PEX11G: variants seen among roughly 807,000 people sequenced by gnomAD.
PEX11G encodes peroxisomal membrane protein 11C.
Under a neutral mutation model 22.5 loss-of-function variants are expected in PEX11G, and 20 were observed. That is an observed-to-expected ratio of 0.89 (90% CI 0.62 to 1.29). The LOEUF (loss-of-function observed/expected upper bound fraction) is 1.29, where lower values mean the gene tolerates loss of function less well. PEX11G is among the 50% of genes most tolerant of loss of function. The pLI, the probability that PEX11G is intolerant of heterozygous loss-of-function variation, is 0.00. For missense variants in PEX11G, 347 were observed against 331.3 expected (o/e 1.05, Z -0.37); for synonymous variants, 141 against 154.5 (o/e 0.91, Z 0.65).
chr19:7,489,088 C>A, upstream of PEX11G: 1 of 1,386,418 alleles, frequency 7.2e-7, no homozygotes, highest in South Asian at 1.6e-5. Flanking sequence ...GGGAGCGCCC[C>A]AAAGGCTTGC....
At chr19:7,490,372 G>A (rs2021853612), upstream of PEX11G, among the ~76,000 whole-genome samples, 1 of 151,782 alleles carries the variant, frequency 6.6e-6, no homozygotes, top group South Asian at 2.1e-4. Context: ...CCAGGCTGGA[G>A]TGCAGTGGCA....
intron 3 of PEX11G, among the ~76,000 whole-genome samples, chr19:7,478,896 C>G (rs1977362831): frequency 1.3e-5 from 2 of 152,228 alleles, no homozygotes; most frequent in Non-Finnish European, 2.9e-5. Flanking sequence ...GGGCTGGCAT[C>G]TGCAGGCTGA....
At chr19:7,484,903 T>G (rs1000059159) in intron 2 of PEX11G, among the ~76,000 whole-genome samples, 1 of 152,196 alleles carries the variant, frequency 6.6e-6, no homozygotes. Context: ...TTGCTATTTT[T>G]AAAAATTTAA....
intron 3 of PEX11G, among the ~76,000 whole-genome samples, chr19:7,481,031 G>C (rs1372630396): frequency 6.6e-6 from 1 of 152,066 alleles, no homozygotes. Context: ...CAAGACTCAG[G>C]GACCCGGGTA....
At chr19:7,477,708 GA>G (rs1031667765) in intron 4 of PEX11G, among the ~76,000 whole-genome samples, 1 of 152,198 alleles carries the variant, frequency 6.6e-6, no homozygotes. Flanking sequence ...GATTCCTTGT[GA>G]AAAACAGAAA....
chr19:7,483,339 G>A (rs1021142391), intron 2 of PEX11G: 1 of 152,012 alleles, frequency 6.6e-6, no homozygotes, highest in African/African-American at 2.4e-5. Context: ...ACCTCCCTGA[G>A]GATGGCGGAC....
intron 2 of PEX11G, among the ~76,000 whole-genome samples, chr19:7,485,171 T>G (rs906949294): frequency 2.0e-5 from 3 of 152,038 alleles, no homozygotes; most frequent in African/African-American, 7.3e-5. Flanking sequence ...AAAAATTTTT[T>G]TTGTTTGTTT....
At chr19:7,484,638 TG>T (rs1176900152) in intron 2 of PEX11G, among the ~76,000 whole-genome samples, 1 of 151,380 alleles carries the variant, frequency 6.6e-6, no homozygotes, top group Admixed American at 6.6e-5. Context: ...CCAGGCATGG[TG>T]GGGGGTGCCT....
At chr19:7,487,789 T>C (rs900139816) in intron 1 of PEX11G, among the ~76,000 whole-genome samples, 2 of 152,198 alleles carry the variant, frequency 1.3e-5, no homozygotes, top group Non-Finnish European at 2.9e-5. Flanking sequence ...TTATTTTTAC[T>C]TGTAATTCCT....
chr19:7,481,999 C>A, intron 3 of PEX11G, 34 bp downstream of exon 3: 1 of 1,526,544 alleles, frequency 6.6e-7, no homozygotes, highest in South Asian at 1.2e-5. Context: ...CGCCCAGGGA[C>A]CTTGGGTGCT....
intron 2 of PEX11G, among the ~76,000 whole-genome samples, chr19:7,485,315 C>T (rs550733807): frequency 1.3e-5 from 2 of 152,170 alleles, no homozygotes; most frequent in African/African-American, 4.8e-5. Flanking sequence ...GAACTACAGG[C>T]ACACGCCACC....
Position 7,488,936 on chromosome 19 carries a change from C to A in PEX11G, c.60+15G>T, listed in dbSNP as rs62109845. 1.3e-6 allele frequency: 2 copies of A among 1,549,656 alleles called. No individual in the cohort carries two copies. Among genetic ancestry groups the A allele is most frequent in the Non-Finnish European group, 8.7e-7 (1 of 1,148,094 alleles). ...AAACTCTAGGACCTCCGGCCCCGGT[C>A]CGCCCCTGCCTCACCAGGCGGTCCC... On this transcript the variant is annotated intron_variant, in intron 1 of 4. Coordinates refer to ENST00000221480, the MANE Select transcript of PEX11G (RefSeq NM_080662.4).
At chr19:7,478,475 A>C in intron 3 of PEX11G, 99 bp from the exon 4 acceptor site, 1 of 1,294,364 alleles carries the variant, frequency 7.7e-7, no homozygotes, top group Non-Finnish European at 1.1e-6. Context: ...CAGGTGCTGC[A>C]TCTCGGATAA....
chr19:7,492,863 T>C (rs1599229193), upstream of PEX11G: 1 of 152,250 alleles, frequency 6.6e-6, no homozygotes, highest in African/African-American at 2.4e-5. Context: ...CTCAGGAACT[T>C]TGCATGTTCT....
intron 3 of PEX11G, among the ~76,000 whole-genome samples, chr19:7,478,637 A>G (rs1019754183): frequency 6.6e-6 from 1 of 152,130 alleles, no homozygotes; most frequent in Non-Finnish European, 1.5e-5. Context: ...AGCCTCTGCA[A>G]ACCACTGGCA....
Position 7,477,294 on chromosome 19 carries a change from A to G in PEX11G, c.634T>C (p.Trp212Arg), listed in dbSNP as rs1438850287. ...GVLWAGRFPP[W>R]LVGLMGTISS... ...ATGGTGCCCATGAGGCCCACTAGCC[A>G]CGGCGGGAAGCGGCCGGCCCACAGC... Residue 212 changes from tryptophan (W) to arginine (R), a missense_variant, in exon 5 of 5, where the codon TGG becomes CGG. Trp to Arg is a moderately radical substitution (Grantham distance 101). Coordinates refer to ENST00000221480, the MANE Select transcript of PEX11G (RefSeq NM_080662.4). The G allele has an allele frequency of 1.3e-6, 2 of 1,577,550 alleles. No individual in the cohort carries two copies. The highest frequency in any genetic ancestry group is 1.7e-6 in the Non-Finnish European group (2 of 1,163,140).
At chr19:7,484,506 C>T (rs932177689) in intron 2 of PEX11G, among the ~76,000 whole-genome samples, 12 of 151,646 alleles carry the variant, frequency 7.9e-5, no homozygotes, top group African/African-American at 2.9e-4. Context: ...GGCACGGTGG[C>T]GCACACCTGT....
chr19:7,489,310 C>G, upstream of PEX11G: 1 of 1,173,850 alleles, frequency 8.5e-7, no homozygotes, highest in Non-Finnish European at 1.1e-6. Flanking sequence ...AACCAACTAC[C>G]CACACGCTCC....
Position 7,477,410 on chromosome 19 carries a change from G to A in PEX11G, c.518C>T (p.Ala173Val). The change falls in exon 5 of 5, where the codon GCC becomes GTC. Residue 173 changes from alanine to valine, a missense_variant. Coordinates refer to ENST00000221480, the MANE Select transcript of PEX11G (RefSeq NM_080662.4). ...TSPLPRGKRR[A>V]MEAQMQSEAL... ...CTCCGACTGCATCTGCGCCTCCATG[G>A]CCCTCCGCTTGCCCCGGGGCAGCGG... 1.3e-6 allele frequency: 2 copies of A among 1,489,730 alleles called. No individual in the cohort carries two copies. Among genetic ancestry groups the A allele is most frequent in the South Asian group, 2.7e-5 (2 of 73,866 alleles). 92.3% of individuals were successfully genotyped at this position (1,489,730 alleles called of 1,614,324 possible). A position where few individuals can be genotyped will look rare whatever the true frequency, so the allele number is the denominator to read the frequency against.
Sources: allele counts gnomAD v4.1 joint callset (sites outside exome capture counted in the v4.1 genomes callset), GRCh38; gene constraint gnomAD v4.1.1; transcripts MANE v1.5; gene names NCBI Gene and HGNC (gene_info 2026-07-23, HGNC 2026-07-21).